MGST1: variants seen among roughly 807,000 people sequenced by gnomAD.
MGST1 encodes the protein microsomal glutathione S-transferase 1, also known as glutathione S-transferase 12.
A neutral mutation model predicts 8.9 loss-of-function variants in MGST1; 5 were observed. The observed-to-expected ratio is 0.56, with a 90% CI of 0.29 to 1.19. MGST1 has a LOEUF of 1.19. Ranked by LOEUF, MGST1 falls within the 50% of genes most tolerant of loss-of-function variation. The probability of loss-of-function intolerance (pLI) is 0.08; values close to 1 mark genes in which losing one functional copy is unlikely to be tolerated. For synonymous variants in MGST1, 54 were observed against 67.8 expected (o/e 0.80, Z 1.00); for missense variants, 182 against 187.4 (o/e 0.97, Z 0.17).
intron 3 of MGST1, chr12:16,370,224 T>A (rs1483753971): frequency 6.6e-6 from 1 of 152,150 alleles, no homozygotes; most frequent in African/African-American, 2.4e-5. Flanking sequence ...AATACAGGGT[T>A]TGTGAACTTG....
intron 1 of MGST1, chr12:16,399,804 C>T: frequency 8.3e-7 from 1 of 1,202,294 alleles, no homozygotes. Context: ...AGAGAGGCTA[C>T]AAGAATGGCA....
chr12:16,410,716 A>C lies in MGST1; in HGVS notation n.779-26672A>C, dbSNP rs1591720169. Among the ~76,000 whole-genome samples the C allele has an allele frequency of 6.7e-6, 1 of 148,640 alleles. No individual in the cohort carries two copies. Among genetic ancestry groups the C allele is most frequent in the South Asian group, 2.1e-4 (1 of 4,800 alleles). On this transcript the variant is annotated intron_variant and non_coding_transcript_variant, in intron 1 of 1. Coordinates refer to the MGST1 transcript ENST00000359720. The surrounding 1 kb of genome is among the most constrained non-coding windows in gnomAD (Gnocchi z 4.4). ...AATATAATATATAAATATATAATCA[A>C]ATATTCAAATATACTCAAATGTATA...
chr12:16,503,811 T>G lies in MGST1; in HGVS notation n.483-85717T>G, dbSNP rs1941520358. Among the ~76,000 whole-genome samples the G allele has an allele frequency of 6.6e-6, 1 of 152,188 alleles. No homozygotes were observed. The highest frequency in any genetic ancestry group is 2.4e-5 in the African/African-American group (1 of 41,456). ...ACCACCCTTTTTCTAGATATTTCTG[T>G]GTAATTTCCTCCTTAATTTGCATTT... On this transcript the variant is annotated intron_variant and non_coding_transcript_variant, in intron 4 of 4. Transcript: ENST00000538857. This position sits in a 1 kb window ranked among gnomAD's most constrained non-coding sequence, Gnocchi z 4.8.
chr12:16,522,547 A>G (rs1941654965), intron 4 of MGST1, among the ~76,000 whole-genome samples: 1 of 151,904 alleles, frequency 6.6e-6, no homozygotes. Context: ...ACTTGCCATC[A>G]TTATTATCCC....
At chr12:16,543,825 G>A (rs758555776) in intron 4 of MGST1, among the ~76,000 whole-genome samples, 36 of 152,030 alleles carry the variant, frequency 2.4e-4, no homozygotes, top group Non-Finnish European at 4.4e-4. Context: ...TAAGAAAATT[G>A]TGTTTTGAGT....
At chr12:16,454,502 C>T (rs1393058328) in intron 4 of MGST1, among the ~76,000 whole-genome samples, 2 of 151,354 alleles carry the variant, frequency 1.3e-5, no homozygotes, top group Admixed American at 6.6e-5. Context: ...TCTCATTATT[C>T]CCATTTTAAA....
At chr12:16,370,982 T>G (rs1185210903) in intron 3 of MGST1, among the ~76,000 whole-genome samples, 1 of 152,200 alleles carries the variant, frequency 6.6e-6, no homozygotes, top group Non-Finnish European at 1.5e-5. Context: ...TAATTTTCTC[T>G]GAATCACCAA....
In MGST1 at chr12:16,356,542, T is replaced by A. The variant is rs1178810654; in HGVS notation, c.127-1063T>A. Among the ~76,000 whole-genome samples the A allele has an allele frequency of 2.0e-5, 3 of 152,162 alleles. No individual in the cohort carries two copies. In the East Asian group the frequency reaches 5.8e-4, roughly 29 times the overall value. The stretch of plus-strand genomic sequence containing the variant: ...ATGTTCATATCATATTAAGAAAAAA[T>A]AGAAAACAAATGAGATTAATTTTGC... On this transcript the variant is annotated intron_variant, in intron 2 of 3. Coordinates refer to ENST00000396210, the MANE Select transcript of MGST1 (RefSeq NM_020300.5).
At chr12:16,592,477 C>G (rs1943524059), downstream of MGST1, among the ~76,000 whole-genome samples, 1 of 151,974 alleles carries the variant, frequency 6.6e-6, no homozygotes, top group Non-Finnish European at 1.5e-5. Flanking sequence ...ATTACATTCA[C>G]AGTATAAGTG....
At chr12:16,421,938 T>G (rs190544846) in intron 1 of MGST1, among the ~76,000 whole-genome samples, 44 of 152,318 alleles carry the variant, frequency 2.9e-4, no homozygotes, top group African/African-American at 9.4e-4. Flanking sequence ...GGATTCCACA[T>G]TGATCTCTCA....
chr12:16,353,885 G>A (rs1939591088), intron 1 of MGST1, among the ~76,000 whole-genome samples: 2 of 150,374 alleles, frequency 1.3e-5, no homozygotes, highest in Admixed American at 1.3e-4. Context: ...TCAGTCTCAC[G>A]AGTAGCTGGG....
At chr12:16,573,790 TC>T in intron 4 of MGST1, 1 of 152,244 alleles carries the variant, frequency 6.6e-6, no homozygotes, top group East Asian at 1.9e-4. Flanking sequence ...GAGAAGTTGA[TC>T]GGGGGTAGAG....
chr12:16,466,684 T>A (rs1191869184), intron 4 of MGST1, among the ~76,000 whole-genome samples: 1 of 152,128 alleles, frequency 6.6e-6, no homozygotes, highest in Non-Finnish European at 1.5e-5. Context: ...CCTACAAGAA[T>A]CCCAGTGAGA....
chr12:16,518,913 A>C (rs957413550), intron 4 of MGST1, among the ~76,000 whole-genome samples: 1 of 152,252 alleles, frequency 6.6e-6, no homozygotes, highest in African/African-American at 2.4e-5. Flanking sequence ...TCTCAGAACC[A>C]GAACTAAATA....
At chr12:16,501,633 T>C (rs191530718) in intron 4 of MGST1, among the ~76,000 whole-genome samples, 34 of 152,302 alleles carry the variant, frequency 2.2e-4, no homozygotes, top group African/African-American at 8.2e-4. Context: ...GAAATTTCAT[T>C]TGATGTGTCC....
chr12:16,454,195 G>A (rs931185899), intron 4 of MGST1, among the ~76,000 whole-genome samples: 2 of 151,786 alleles, frequency 1.3e-5, no homozygotes, highest in African/African-American at 4.8e-5. Context: ...CCACCACCTA[G>A]GTTTCAACTT....
intron 4 of MGST1, among the ~76,000 whole-genome samples, chr12:16,583,582 T>G (rs1369755778): frequency 1.3e-5 from 2 of 152,026 alleles, no homozygotes; most frequent in Non-Finnish European, 2.9e-5. Flanking sequence ...ATAAAAGAAA[T>G]TAAAGATAAA....
chr12:16,561,330 T>C (rs766914045), intron 4 of MGST1, among the ~76,000 whole-genome samples: 3 of 152,196 alleles, frequency 2.0e-5, no homozygotes, highest in African/African-American at 2.4e-5. Flanking sequence ...ACCAAGTTTC[T>C]TTAAAGTTGA....
At chr12:16,467,000 G>A (rs1439086254) in intron 4 of MGST1, among the ~76,000 whole-genome samples, 3 of 152,052 alleles carry the variant, frequency 2.0e-5, no homozygotes, top group Non-Finnish European at 1.5e-5. Flanking sequence ...TTTGGTGGAT[G>A]CCTATGTCTG....
Sources: gnomAD v4.1 joint callset for allele counts (sites outside exome capture counted in the v4.1 genomes callset) on GRCh38, gnomAD v4.1.1 for gene constraint, Gnocchi (gnomAD v3.1) non-coding constraint, MANE v1.5 for transcripts, NCBI Gene and HGNC (gene_info 2026-07-23, HGNC 2026-07-21) for gene names.